Variants in TRAPPC9 observed in about 807,000 individuals in gnomAD.
TRAPPC9 encodes the protein trafficking protein particle complex subunit 9.
TRAPPC9 carries 83 observed loss-of-function variants against 124.0 expected under a neutral mutation model. That is an observed-to-expected ratio of 0.67 (90% confidence interval 0.56 to 0.80). The LOEUF is 0.80. Among genes scored for constraint, TRAPPC9 ranks in the 30% least tolerant of loss-of-function variants. TRAPPC9 has a pLI of 0.00. For missense variants in TRAPPC9, 1,302 were observed against 1,508.3 expected (o/e 0.86, Z 2.27); for synonymous variants, 638 against 617.5 (o/e 1.03, Z -0.49).
chr8:140,161,724 T>C (rs530793360), intron 17 of TRAPPC9, among the ~76,000 whole-genome samples: 1 of 152,142 alleles, frequency 6.6e-6, no homozygotes, highest in Non-Finnish European at 1.5e-5. Flanking sequence ...TGCACAACTG[T>C]TCATTCCAGC....
intron 21 of TRAPPC9, among the ~76,000 whole-genome samples, chr8:139,815,158 G>A (rs1198664351): frequency 6.6e-6 from 1 of 152,094 alleles, no homozygotes; most frequent in African/African-American, 2.4e-5. Context: ...TCAATTGAGG[G>A]GAAGGGACTG....
chr8:140,302,228 C>A (rs2065999081), intron 10 of TRAPPC9, among the ~76,000 whole-genome samples: 1 of 152,188 alleles, frequency 6.6e-6, no homozygotes, highest in African/African-American at 2.4e-5. Context: ...CACCCACCAC[C>A]CTCAGTGACT....
At chr8:140,450,117 T>A (rs557793077) in intron 2 of TRAPPC9, among the ~76,000 whole-genome samples, 1 of 152,258 alleles carries the variant, frequency 6.6e-6, no homozygotes, top group African/African-American at 2.4e-5. Context: ...TCCCAGCACT[T>A]TGGGAGGCCA....
chr8:139,994,983 T>A (rs991879093), intron 18 of TRAPPC9, among the ~76,000 whole-genome samples: 4,333 of 90,826 alleles, frequency 0.048, 170 homozygotes, highest in African/African-American at 0.13. Flanking sequence ...GGTTTGTGTT[T>A]AAAAAAAAAA....
At chr8:139,922,682 G>A (rs1832586470) in intron 19 of TRAPPC9, among the ~76,000 whole-genome samples, 1 of 152,230 alleles carries the variant, frequency 6.6e-6, no homozygotes, top group African/African-American at 2.4e-5. Context: ...TTCCAGGTGA[G>A]ACGCGGCCCA....
At chr8:139,971,044 A>C (rs1836029703) in intron 19 of TRAPPC9, among the ~76,000 whole-genome samples, 1 of 150,226 alleles carries the variant, frequency 6.7e-6, no homozygotes, top group Non-Finnish European at 1.5e-5. Flanking sequence ...TCCTACCCAC[A>C]CATCCCGGAA....
chr8:140,322,892 A>G (rs989065878), intron 9 of TRAPPC9, among the ~76,000 whole-genome samples: 1 of 152,232 alleles, frequency 6.6e-6, no homozygotes, highest in African/African-American at 2.4e-5. Flanking sequence ...ATGATATCGT[A>G]AAATATCTAC....
chr8:139,834,993 G>A (rs139735599), intron 21 of TRAPPC9, among the ~76,000 whole-genome samples: 2,644 of 152,226 alleles, frequency 0.017, 39 homozygotes, highest in South Asian at 0.023. Context: ...GTGCTGACTC[G>A]CCTGGACAGG....
intron 5 of TRAPPC9, among the ~76,000 whole-genome samples, chr8:140,423,709 T>A (rs1455669436): frequency 6.6e-6 from 1 of 151,228 alleles, no homozygotes; most frequent in Non-Finnish European, 1.5e-5. Context: ...TGTATACACA[T>A]ATATACATAT....
chr8:140,376,588 T>G (rs1429596672), intron 7 of TRAPPC9, among the ~76,000 whole-genome samples: 2 of 141,170 alleles, frequency 1.4e-5, no homozygotes, highest in African/African-American at 5.4e-5. Flanking sequence ...AGAATCACAG[T>G]GTTGAGGCCA....
intron 13 of TRAPPC9, among the ~76,000 whole-genome samples, chr8:140,285,445 G>A (rs1367445776): frequency 1.3e-5 from 2 of 152,174 alleles, no homozygotes; most frequent in African/African-American, 4.8e-5. Context: ...TGGATCCTGA[G>A]GGATGGCTCT....
At position 140,146,508 on chromosome 8, in the gene TRAPPC9, A is replaced by C. The variant is rs550325061; in HGVS notation, c.2556+74951T>G. Reference sequence around the variant, plus strand: ...TATATGCATGTGATTGTGTGCATATACACATTTTTTCTAATTCAACTTCTA... The same window carrying C: ...TATATGCATGTGATTGTGTGCATATCCACATTTTTTCTAATTCAACTTCTA... On this transcript the variant is annotated intron_variant, in intron 17 of 22. Coordinates refer to ENST00000438773, the MANE Select transcript of TRAPPC9 (RefSeq NM_001160372.4). Among the ~76,000 whole-genome samples, 14 of 152,346 alleles carry C rather than the reference A, an allele frequency of 9.2e-5. No individual in the cohort carries two copies. The East Asian group carries it at 2.5e-3, about 27-fold the overall frequency.
chr8:140,317,822 C>T (rs1361210618), intron 9 of TRAPPC9, among the ~76,000 whole-genome samples: 1 of 152,094 alleles, frequency 6.6e-6, no homozygotes, highest in East Asian at 1.9e-4. Context: ...TAACAAACTT[C>T]ATTATTTTTT....
intron 6 of TRAPPC9, among the ~76,000 whole-genome samples, chr8:140,399,823 C>T (rs182573989): frequency 6.6e-6 from 1 of 152,202 alleles, no homozygotes; most frequent in Admixed American, 6.5e-5. Flanking sequence ...TTTGAGGGGC[C>T]AGGGGTGGAA....
intron 7 of TRAPPC9, among the ~76,000 whole-genome samples, chr8:140,396,043 G>T (rs1310081091): frequency 4.6e-5 from 7 of 151,984 alleles, no homozygotes; most frequent in Non-Finnish European, 8.8e-5. Context: ...TGCTCGCCTG[G>T]GCTCCCCAAG....
chr8:140,048,448 A>T (rs1841763324), intron 17 of TRAPPC9, among the ~76,000 whole-genome samples: 1 of 151,980 alleles, frequency 6.6e-6, no homozygotes. Context: ...ACATTTCTGG[A>T]CAATAGCCCT....
intron 17 of TRAPPC9, among the ~76,000 whole-genome samples, chr8:140,198,923 C>A (rs570072014): frequency 6.6e-6 from 1 of 152,288 alleles, no homozygotes; most frequent in Admixed American, 6.5e-5. Flanking sequence ...ACAGTGCTTG[C>A]AATGAAGGAC....
chr8:139,964,026 C>A (rs192311764), intron 19 of TRAPPC9, among the ~76,000 whole-genome samples: 4 of 152,102 alleles, frequency 2.6e-5, no homozygotes, highest in African/African-American at 9.6e-5. Flanking sequence ...AGATCAAGAC[C>A]AGCCTGGCTA....
At chr8:140,355,957 G>T (rs1215353321) in intron 9 of TRAPPC9, among the ~76,000 whole-genome samples, 1 of 152,220 alleles carries the variant, frequency 6.6e-6, no homozygotes, top group Admixed American at 6.5e-5. Flanking sequence ...AATAGGCTTA[G>T]AAGTGAACAA....
Sources: gnomAD v4.1 joint callset for allele counts (sites outside exome capture counted in the v4.1 genomes callset) on GRCh38, gnomAD v4.1.1 for gene constraint, MANE v1.5 for transcripts, NCBI Gene and HGNC (gene_info 2026-07-23, HGNC 2026-07-21) for gene names.